ZNF678: variants seen among roughly 807,000 people sequenced by gnomAD.
ZNF678 encodes hypothetical protein MGC42493.
In ZNF678, 5 loss-of-function variants were observed where a neutral mutation model predicts 3.0. The observed-to-expected ratio is 1.69, with a 90% CI of 0.88 to 3.56. The LOEUF (loss-of-function observed/expected upper bound fraction) is 3.56, where lower values mean the gene tolerates loss of function less well. Ranked by LOEUF, ZNF678 falls within the 30% of genes most tolerant of loss-of-function variation. The probability of loss-of-function intolerance (pLI) is 0.00; values close to 1 mark genes in which losing one functional copy is unlikely to be tolerated. For missense variants in ZNF678, 593 were observed against 605.0 expected (o/e 0.98, Z 0.21); for synonymous variants, 218 against 199.6 (o/e 1.09, Z -0.78).
At chr1:227,648,655 T>TA (rs1336733744) in intron 2 of ZNF678, among the ~76,000 whole-genome samples, 12 of 151,702 alleles carry the variant, frequency 7.9e-5, no homozygotes, top group South Asian at 6.3e-4. Context: ...CCATCTGTAC[T>TA]AAAAAAAACA....
chr1:227,628,267 G>A (rs2102777645), intron 1 of ZNF678, among the ~76,000 whole-genome samples: 1 of 152,312 alleles, frequency 6.6e-6, no homozygotes, highest in East Asian at 1.9e-4. Context: ...CCTCGGACCT[G>A]TGTAAGGACT....
chr1:227,648,423 C>G (rs1322759200), intron 2 of ZNF678, among the ~76,000 whole-genome samples: 1 of 152,196 alleles, frequency 6.6e-6, no homozygotes, highest in South Asian at 2.1e-4. Context: ...ATAATTAACA[C>G]ACTCAAATTG....
chr1:227,589,773 G>A (rs1162349132), intron 1 of ZNF678, among the ~76,000 whole-genome samples: 2 of 151,812 alleles, frequency 1.3e-5, no homozygotes, highest in Non-Finnish European at 2.9e-5. Context: ...TAGGTCAGGG[G>A]TCGATCTTTA....
intron 1 of ZNF678, among the ~76,000 whole-genome samples, chr1:227,609,794 C>T (rs1327068215): frequency 6.6e-6 from 1 of 151,762 alleles, no homozygotes; most frequent in Non-Finnish European, 1.5e-5. Context: ...AGTGCAGTGG[C>T]AAGATCTCGG....
At chr1:227,636,024 A>AT (rs1303244993) in intron 1 of ZNF678, among the ~76,000 whole-genome samples, 1 of 152,148 alleles carries the variant, frequency 6.6e-6, no homozygotes, top group Admixed American at 6.5e-5. Flanking sequence ...AAGAGACGGG[A>AT]TGGTATCCAT....
At chr1:227,610,701 A>G (rs918775638) in intron 1 of ZNF678, among the ~76,000 whole-genome samples, 1 of 152,150 alleles carries the variant, frequency 6.6e-6, no homozygotes, top group Non-Finnish European at 1.5e-5. Flanking sequence ...ACCAAGCCCA[A>G]GTCTTTTGTA....
intron 1 of ZNF678, among the ~76,000 whole-genome samples, chr1:227,596,341 G>A (rs898464696): frequency 6.6e-6 from 1 of 152,188 alleles, no homozygotes. Flanking sequence ...ATTCAACCAG[G>A]AGCATTGGCA....
At chr1:227,568,313 CT>C (rs3033456) in intron 1 of ZNF678, among the ~76,000 whole-genome samples, 19 of 149,494 alleles carry the variant, frequency 1.3e-4, no homozygotes, top group African/African-American at 3.2e-4. Flanking sequence ...TGAACAAGTA[CT>C]TTTTTTTTTT....
At chr1:227,616,447 T>C (rs930255031) in intron 1 of ZNF678, among the ~76,000 whole-genome samples, 3 of 152,226 alleles carry the variant, frequency 2.0e-5, no homozygotes, top group African/African-American at 7.2e-5. Flanking sequence ...CCAGAATTTT[T>C]CCCCAGAAAC....
chr1:227,636,762 C>T (rs946969281), intron 1 of ZNF678, among the ~76,000 whole-genome samples: 5 of 152,128 alleles, frequency 3.3e-5, no homozygotes, highest in African/African-American at 1.2e-4. Context: ...GCAGTAGACC[C>T]AGTGGGGGAG....
chr1:227,584,453 T>C (rs982492636), intron 1 of ZNF678, among the ~76,000 whole-genome samples: 3 of 152,084 alleles, frequency 2.0e-5, no homozygotes, highest in African/African-American at 7.3e-5. Flanking sequence ...TGAAAAAAAC[T>C]ACAGCTAGGT....
At chr1:227,678,000 G>C (rs2012386), downstream of ZNF678, among the ~76,000 whole-genome samples, 32,154 of 152,124 alleles carry the variant, frequency 0.21, 3,564 homozygotes, top group East Asian at 0.25. Flanking sequence ...AGAAATCACA[G>C]GGAAAGACCC....
At chr1:227,566,265 C>T (rs1044554085) in intron 1 of ZNF678, among the ~76,000 whole-genome samples, 1 of 152,114 alleles carries the variant, frequency 6.6e-6, no homozygotes, top group Non-Finnish European at 1.5e-5. Flanking sequence ...TCTGGTACAC[C>T]CTTCACCTAA....
At chr1:227,581,351 AAG>A (rs1381213488) in intron 1 of ZNF678, among the ~76,000 whole-genome samples, 1 of 152,046 alleles carries the variant, frequency 6.6e-6, no homozygotes, top group African/African-American at 2.4e-5. Context: ...GGAATAAAGA[AAG>A]AAAAGAAGGA....
At chr1:227,576,407 A>G (rs568734625) in intron 1 of ZNF678, among the ~76,000 whole-genome samples, 1 of 151,470 alleles carries the variant, frequency 6.6e-6, no homozygotes, top group South Asian at 2.1e-4. Flanking sequence ...GGAAGATATT[A>G]CTCAATTTCA....
In ZNF678 at chr1:227,619,753, C is replaced by T. The variant is rs138562050; in HGVS notation, c.-163-26791C>T. Among the ~76,000 whole-genome samples the T allele has an allele frequency of 7.9e-3, 1,201 of 151,762 alleles. 7 individuals carry two copies. Among genetic ancestry groups the T allele is most frequent in the Admixed American group, 0.012 (185 of 15,248 alleles). ...GTCTCGATCTCTTGACCTCATGATC[C>T]GCCCGCCTTGGCCTCCCAAAGTGCC... On this transcript the variant is annotated intron_variant, in intron 1 of 3. Transcript: ENST00000343776.
At position 227,658,598 on chromosome 1, in the gene ZNF678, A is replaced by T. The variant is rs553153622; in HGVS notation, c.*2770A>T. ...TCCCTTCTTTGCTTATTATGGCTAC[A>T]GATTTCTCACTGTTCTCTGCAGCCC... On this transcript the variant is annotated 3_prime_UTR_variant, in exon 4 of 4. Transcript: ENST00000343776. The T allele has an allele frequency of 6.6e-6, 1 of 152,164 alleles. No individual in the cohort carries two copies. The highest frequency in any genetic ancestry group is 2.4e-5 in the African/African-American group (1 of 41,554). 9.4% of individuals were successfully genotyped at this position (152,164 alleles called of 1,614,324 possible).
rs142642682 is a variant in ZNF678 at position 227,617,602 on chromosome 1, G to A, written c.-163-28942G>A. ...CAGTGGGCAGAAGTTTGGGTTGTGC[G>A]CCTACCTCATTATGCACTTTGCTTC... On this transcript the variant is annotated intron_variant, in intron 1 of 3. Coordinates refer to ENST00000343776, the MANE Select transcript of ZNF678 (RefSeq NM_001367909.1). 2.7e-3 allele frequency among the ~76,000 whole-genome samples: 413 copies of A among 152,232 alleles called. 2 individuals are homozygous for A. Among genetic ancestry groups the A allele is most frequent in the African/African-American group, 9.6e-3 (398 of 41,542 alleles).
At chr1:227,610,969 T>G (rs1428558217) in intron 1 of ZNF678, among the ~76,000 whole-genome samples, 1 of 152,202 alleles carries the variant, frequency 6.6e-6, no homozygotes, top group Non-Finnish European at 1.5e-5. Context: ...TTAAATCTCC[T>G]TACATCAGAC....
Sources: gnomAD v4.1 joint callset for allele counts (sites outside exome capture counted in the v4.1 genomes callset) on GRCh38, gnomAD v4.1.1 for gene constraint, MANE v1.5 for transcripts, NCBI Gene and HGNC (gene_info 2026-07-23, HGNC 2026-07-21) for gene names.